IL15: variants seen among roughly 807,000 people sequenced by gnomAD.
IL15 encodes the protein interleukin 15, also known as interleukin-15.
IL15 carries 11 observed loss-of-function variants against 19.6 expected under a neutral mutation model. The observed-to-expected ratio is 0.56, with a 90% CI of 0.35 to 0.93. The LOEUF (loss-of-function observed/expected upper bound fraction) is 0.93. IL15 is among the 40% of genes least tolerant of loss of function. IL15 has a pLI of 0.01. For synonymous variants in IL15, 58 were observed against 59.6 expected, an observed-to-expected ratio of 0.97 and a Z score of 0.12; for missense variants, 197 against 186.5, an observed-to-expected ratio of 1.06 and a Z score of -0.33.
intron 2 of IL15, among the ~76,000 whole-genome samples, chr4:141,662,523 C>G (rs1727828191): frequency 6.6e-6 from 1 of 152,146 alleles, no homozygotes; most frequent in Non-Finnish European, 1.5e-5. Flanking sequence ...TATATATTTT[C>G]TCATCCATTT....
rs1729394434 is a variant in IL15, at chr4:141,703,429, A to G, written c.-99-15937A>G. Among the ~76,000 whole-genome samples the G allele has an allele frequency of 1.3e-5, 2 of 152,132 alleles. 1 individual carries two copies. The highest frequency in any genetic ancestry group is 4.1e-4 in the South Asian group (2 of 4,826). Reference sequence around the variant, plus strand: ...GGAATGGCTTTCCTTGGTTCATACTAGAGACTCAGAATACCTGCAAGGCAC... The same window carrying G: ...GGAATGGCTTTCCTTGGTTCATACTGGAGACTCAGAATACCTGCAAGGCAC... On this transcript the variant is annotated intron_variant, in intron 2 of 7. Transcript: ENST00000320650.
chr4:141,639,055 G>T (rs190640550), intron 1 of IL15, among the ~76,000 whole-genome samples: 2 of 152,212 alleles, frequency 1.3e-5, no homozygotes, highest in African/African-American at 4.8e-5. Context: ...TAACATTGTT[G>T]AGTTCTTATT....
intron 5 of IL15, 43 bp from the exon 6 acceptor site, chr4:141,727,897 C>T (rs771910638): frequency 2.5e-6 from 2 of 814,168 alleles, no homozygotes; most frequent in Non-Finnish European, 2.1e-6. Context: ...ATATTTAAAG[C>T]AGGGCATAGT....
At chr4:141,713,326 C>A (rs984349451) in intron 2 of IL15, among the ~76,000 whole-genome samples, 2 of 152,122 alleles carry the variant, frequency 1.3e-5, no homozygotes, top group Non-Finnish European at 2.9e-5. Context: ...TTTATCAAAA[C>A]CGACTAGTTA....
chr4:141,683,376 G>A (rs566277913), intron 2 of IL15, among the ~76,000 whole-genome samples: 3 of 151,804 alleles, frequency 2.0e-5, no homozygotes, highest in African/African-American at 4.8e-5. Context: ...TTTGAGACCC[G>A]CCTGCGCAAC....
At chr4:141,709,435 A>G (rs1170078571) in intron 2 of IL15, among the ~76,000 whole-genome samples, 3 of 152,188 alleles carry the variant, frequency 2.0e-5, no homozygotes, top group Non-Finnish European at 4.4e-5. Flanking sequence ...AGCCAGCTCT[A>G]ATTGGCTCAT....
At chr4:141,673,946 G>A (rs72712409) in intron 2 of IL15, among the ~76,000 whole-genome samples, 2,370 of 152,220 alleles carry the variant, frequency 0.016, 25 homozygotes, top group Non-Finnish European at 0.024. Context: ...AACAATGTAA[G>A]CAAATTGAAC....
At chr4:141,693,644 T>C (rs1033544626) in intron 2 of IL15, among the ~76,000 whole-genome samples, 3 of 152,212 alleles carry the variant, frequency 2.0e-5, no homozygotes, top group African/African-American at 7.2e-5. Context: ...GTGGTAATTG[T>C]ATGAAAGATA....
intron 2 of IL15, among the ~76,000 whole-genome samples, chr4:141,656,831 GAA>G (rs556032432): frequency 1.6e-4 from 24 of 152,244 alleles, no homozygotes; most frequent in Admixed American, 8.5e-4. Flanking sequence ...TCTAATTTTT[GAA>G]TGAGTTTATG....
At chr4:141,705,686 A>G (rs943488570) in intron 2 of IL15, among the ~76,000 whole-genome samples, 6 of 152,050 alleles carry the variant, frequency 3.9e-5, no homozygotes, top group African/African-American at 1.4e-4. Context: ...GAAGCCCTCT[A>G]CTATTATTGT....
intron 2 of IL15, among the ~76,000 whole-genome samples, chr4:141,657,661 G>A (rs929652380): frequency 3.9e-5 from 6 of 151,908 alleles, no homozygotes; most frequent in Non-Finnish European, 4.4e-5. Flanking sequence ...GGTCTACACA[G>A]AGTCAGGATC....
At chr4:141,692,568 T>G (rs1728949474) in intron 2 of IL15, among the ~76,000 whole-genome samples, 1 of 152,164 alleles carries the variant, frequency 6.6e-6, no homozygotes, top group South Asian at 2.1e-4. Flanking sequence ...TGCTTTGCTG[T>G]TTAGAAATTT....
At chr4:141,725,101 C>T (rs1032909756) in intron 5 of IL15, among the ~76,000 whole-genome samples, 1 of 151,908 alleles carries the variant, frequency 6.6e-6, no homozygotes, top group Non-Finnish European at 1.5e-5. Context: ...ACACCATGAC[C>T]GAGTGAGATT....
chr4:141,727,844 A>G (rs1341236263), intron 5 of IL15, 96 bp from the exon 6 acceptor site: 10 of 666,352 alleles, frequency 1.5e-5, no homozygotes, highest in African/African-American at 3.8e-5. Context: ...AAATAAAAAA[A>G]GAATTAAAAA....
intron 1 of IL15, among the ~76,000 whole-genome samples, chr4:141,640,705 T>C (rs1032968736): frequency 1.3e-5 from 2 of 152,200 alleles, no homozygotes; most frequent in Non-Finnish European, 2.9e-5. Flanking sequence ...TTTGTATGCA[T>C]TTATTTTATA....
chr4:141,638,341 C>G (rs981613465), intron 1 of IL15, among the ~76,000 whole-genome samples: 1 of 152,168 alleles, frequency 6.6e-6, no homozygotes, highest in Non-Finnish European at 1.5e-5. Context: ...GTGTAAAATT[C>G]TCACAGAATT....
At chr4:141,637,173 G>T (rs1423884277) in intron 1 of IL15, 1 of 152,244 alleles carries the variant, frequency 6.6e-6, no homozygotes, top group African/African-American at 2.4e-5. Context: ...CTGTCCCGCA[G>T]CCCTGAGGGC....
At chr4:141,705,071 ATTTG>A (rs1473771694) in intron 2 of IL15, among the ~76,000 whole-genome samples, 3 of 151,152 alleles carry the variant, frequency 2.0e-5, no homozygotes, top group African/African-American at 7.3e-5. Context: ...TCTGTATTTT[ATTTG>A]TTTATGTTTT....
At chr4:141,710,457 G>A (rs974287873) in intron 2 of IL15, among the ~76,000 whole-genome samples, 34 of 151,580 alleles carry the variant, frequency 2.2e-4, no homozygotes, top group African/African-American at 6.3e-4. Flanking sequence ...TAAGCATTTC[G>A]TATCATTTTA....
Sources: allele counts gnomAD v4.1 joint callset (sites outside exome capture counted in the v4.1 genomes callset), GRCh38; gene constraint gnomAD v4.1.1; transcripts MANE v1.5; gene names NCBI Gene and HGNC (gene_info 2026-07-23, HGNC 2026-07-21).